TOX: variants seen among roughly 807,000 people sequenced by gnomAD.
TOX encodes the protein thymocyte selection-associated high mobility group box protein TOX.
A neutral mutation model predicts 53.7 loss-of-function variants in TOX; 11 were observed. The observed-to-expected ratio is 0.20, with a 90% CI of 0.13 to 0.34. The LOEUF (loss-of-function observed/expected upper bound fraction) is 0.34. TOX is among the 10% of genes least tolerant of loss of function. TOX has a pLI of 1.00. For synonymous variants in TOX, 225 were observed against 245.3 expected (o/e 0.92, Z 0.77); for missense variants, 570 against 664.6 (o/e 0.86, Z 1.56).
At chr8:58,992,229 T>C (rs1482804675) in intron 1 of TOX, 1 of 152,196 alleles carries the variant, frequency 6.6e-6, no homozygotes, top group Non-Finnish European at 1.5e-5. Flanking sequence ...AGAATTCTAA[T>C]GGGCGAGCTG....
At chr8:58,838,051 T>C (rs149923621) in intron 5 of TOX, 30 bp downstream of exon 5, 4 of 1,597,952 alleles carry the variant, frequency 2.5e-6, no homozygotes, top group South Asian at 1.1e-5. Context: ...TCAGCTTATG[T>C]AGATTCCCAT....
intron 1 of TOX, among the ~76,000 whole-genome samples, chr8:59,036,761 T>C (rs948366655): frequency 1.4e-4 from 22 of 152,340 alleles, no homozygotes; most frequent in Admixed American, 1.4e-3. Flanking sequence ...CTTCATACAT[T>C]TGGGGTATGT....
chr8:58,862,979 A>T (rs1185377742), intron 3 of TOX, among the ~76,000 whole-genome samples: 1 of 152,132 alleles, frequency 6.6e-6, no homozygotes, highest in East Asian at 1.9e-4. Context: ...ACTAATAATA[A>T]GGTTTTAATA....
chr8:59,091,656 T>A (rs1804608973), intron 1 of TOX, among the ~76,000 whole-genome samples: 1 of 152,194 alleles, frequency 6.6e-6, no homozygotes, highest in South Asian at 2.1e-4. Flanking sequence ...CACAGAGCCC[T>A]CAGTGCAGGG....
intron 1 of TOX, among the ~76,000 whole-genome samples, chr8:59,116,942 G>C (rs1378467359): frequency 6.6e-6 from 1 of 152,138 alleles, no homozygotes; most frequent in African/African-American, 2.4e-5. Context: ...CACTTAATTG[G>C]AAAATGATTT....
intron 2 of TOX, among the ~76,000 whole-genome samples, chr8:58,947,098 C>A (rs1812534870): frequency 6.6e-6 from 1 of 152,074 alleles, no homozygotes; most frequent in African/African-American, 2.4e-5. Context: ...CAATTGTAAG[C>A]TTTCATCAGC....
At chr8:59,101,824 T>C (rs913696466) in intron 1 of TOX, among the ~76,000 whole-genome samples, 8 of 152,228 alleles carry the variant, frequency 5.3e-5, no homozygotes, top group African/African-American at 1.7e-4. Context: ...TGGTGTTCTA[T>C]GGACATCGTG....
At chr8:59,098,277 C>T (rs1333190636) in intron 1 of TOX, among the ~76,000 whole-genome samples, 1 of 152,132 alleles carries the variant, frequency 6.6e-6, no homozygotes, top group African/African-American at 2.4e-5. Context: ...CTATGAATTC[C>T]TTTTAAGTAC....
intron 3 of TOX, among the ~76,000 whole-genome samples, chr8:58,922,537 CATAT>C (rs1039322668): frequency 6.6e-6 from 1 of 152,088 alleles, no homozygotes; most frequent in Non-Finnish European, 1.5e-5. Flanking sequence ...CAAACACACA[CATAT>C]ATATGTGTAT....
At chr8:58,928,669 A>C (rs1171670845) in intron 3 of TOX, among the ~76,000 whole-genome samples, 1 of 152,178 alleles carries the variant, frequency 6.6e-6, no homozygotes, top group Non-Finnish European at 1.5e-5. Flanking sequence ...AATAGAAAAA[A>C]TACTTCAAAA....
rs372299238 is a variant in TOX at position 59,080,048 on chromosome 8, T to C, written c.102+38838A>G. Among the ~76,000 whole-genome samples, 4 of 151,710 alleles carry C rather than the reference T, an allele frequency of 2.6e-5. No homozygotes were observed. The East Asian group carries it at 7.8e-4, about 29-fold the overall frequency. On this transcript the variant is annotated intron_variant, in intron 1 of 8. Coordinates refer to ENST00000361421, the MANE Select transcript of TOX (RefSeq NM_014729.3). ...CCCAGGCTGGAGTGCAGTGGTGTGA[T>C]CTTGGCTCACTGCAACCTCCGCCTC...
chr8:58,847,658 G>A (rs1239458709), intron 4 of TOX, among the ~76,000 whole-genome samples: 1 of 151,992 alleles, frequency 6.6e-6, no homozygotes, highest in Non-Finnish European at 1.5e-5. Context: ...CTGATAGACA[G>A]AAATGATTAC....
chr8:59,021,481 A>AAAAAAAAAT (rs59174995), intron 1 of TOX, among the ~76,000 whole-genome samples: 1 of 64,740 alleles, frequency 1.5e-5, no homozygotes, highest in Non-Finnish European at 3.1e-5. Flanking sequence ...AAAAAAAAAA[A>AAAAAAAAAT]ATATATATAT....
At chr8:58,852,807 T>C (rs149212279) in intron 3 of TOX, among the ~76,000 whole-genome samples, 5 of 152,198 alleles carry the variant, frequency 3.3e-5, no homozygotes, top group East Asian at 1.9e-4. Flanking sequence ...AAAAAAGATA[T>C]ATGGTTAAAG....
intron 1 of TOX, among the ~76,000 whole-genome samples, chr8:58,975,870 G>A (rs991847680): frequency 1.3e-5 from 2 of 152,046 alleles, no homozygotes; most frequent in Admixed American, 6.6e-5. Context: ...TCAAGAGATC[G>A]AGACCATCCT....
chr8:58,843,622 A>C (rs1290566338), intron 4 of TOX, among the ~76,000 whole-genome samples: 2 of 152,202 alleles, frequency 1.3e-5, no homozygotes, highest in Non-Finnish European at 2.9e-5. Context: ...TTGTAGTTTG[A>C]TCTCTCATGT....
chr8:59,103,116 T>C (rs1248071107), intron 1 of TOX, among the ~76,000 whole-genome samples: 1 of 152,172 alleles, frequency 6.6e-6, no homozygotes, highest in Non-Finnish European at 1.5e-5. Context: ...TTCCATTTTC[T>C]CCCTACAAAG....
At chr8:58,990,852 A>C (rs1434592101) in intron 1 of TOX, among the ~76,000 whole-genome samples, 1 of 152,162 alleles carries the variant, frequency 6.6e-6, no homozygotes, top group Non-Finnish European at 1.5e-5. Context: ...GTTAGGCTAA[A>C]TGTGTCCCTT....
Position 59,117,845 on chromosome 8 carries a change from A to G in TOX, c.102+1041T>C, listed in dbSNP as rs1805132892. On this transcript the variant is annotated intron_variant, in intron 1 of 8. Transcript: ENST00000361421. This position sits in a 1 kb window ranked among gnomAD's most constrained non-coding sequence, Gnocchi z 4.6. ...TTAGAGAACTCAATTCTCTCTGCCA[A>G]CGTTCATCCAACGGGACTGCTTAGA... is the stretch of plus-strand genomic sequence containing the variant. Among the ~76,000 whole-genome samples, 1 of 152,220 alleles carries G rather than the reference A, an allele frequency of 6.6e-6. No individual in the cohort carries two copies. Among genetic ancestry groups the G allele is most frequent in the African/African-American group, 2.4e-5 (1 of 41,462 alleles).
Sources: allele counts gnomAD v4.1 joint callset (sites outside exome capture counted in the v4.1 genomes callset), GRCh38; gene constraint gnomAD v4.1.1; non-coding constraint Gnocchi (gnomAD v3.1); transcripts MANE v1.5; gene names NCBI Gene and HGNC (gene_info 2026-07-23, HGNC 2026-07-21).